The following BCKDHB variants were observed in gnomAD, a reference collection of about 807,000 sequenced individuals.
The protein encoded by BCKDHB is branched chain keto acid dehydrogenase E1 subunit beta, also known as 2-oxoisovalerate dehydrogenase subunit beta, mitochondrial.
A neutral mutation model predicts 48.5 loss-of-function variants in BCKDHB; 41 were observed. The ratio of observed to expected loss-of-function variants is 0.85; its 90% CI spans 0.66 to 1.10. The LOEUF is 1.10. Ranked by LOEUF, BCKDHB falls within the 50% of genes least tolerant of loss-of-function variation. The probability of loss-of-function intolerance (pLI) is 0.00; values close to 1 mark genes in which losing one functional copy is unlikely to be tolerated. For missense variants in BCKDHB, 496 were observed against 494.2 expected (o/e 1.00, Z -0.03); for synonymous variants, 201 against 174.8 (o/e 1.15, Z -1.18).
the BCKDHB span, among the ~76,000 whole-genome samples, chr6:80,400,449 C>T: frequency 6.6e-6 from 1 of 151,614 alleles, no homozygotes; most frequent in Non-Finnish European, 1.5e-5. Context: ...ACATACATAC[C>T]ACCAAAAAAT....
intron 6 of BCKDHB, among the ~76,000 whole-genome samples, chr6:80,175,301 T>A (rs1773099404): frequency 6.6e-6 from 1 of 152,172 alleles, no homozygotes; most frequent in Non-Finnish European, 1.5e-5. Flanking sequence ...CATCTAATCA[T>A]ATGGCCATGA....
At chr6:80,419,061 C>G in the BCKDHB span, among the ~76,000 whole-genome samples, 1 of 152,158 alleles carries the variant, frequency 6.6e-6, no homozygotes, top group African/African-American at 2.4e-5. Flanking sequence ...GTGCTCATGG[C>G]AGCAGGGCTG....
At chr6:80,218,525 A>G (rs1254256245) in intron 8 of BCKDHB, among the ~76,000 whole-genome samples, 3 of 152,198 alleles carry the variant, frequency 2.0e-5, no homozygotes, top group South Asian at 2.1e-4. Flanking sequence ...ACTATGACAC[A>G]TAACAGTTTA....
chr6:80,132,414 C>T (rs923046878), intron 3 of BCKDHB, among the ~76,000 whole-genome samples: 1 of 152,160 alleles, frequency 6.6e-6, no homozygotes, highest in Non-Finnish European at 1.5e-5. Context: ...GAAGTGCGTG[C>T]TGTTGAGTGA....
At chr6:80,215,195 C>T (rs1775111266) in intron 8 of BCKDHB, among the ~76,000 whole-genome samples, 1 of 152,188 alleles carries the variant, frequency 6.6e-6, no homozygotes, top group Non-Finnish European at 1.5e-5. Flanking sequence ...TTTGACCTTG[C>T]AGAGAAAACA....
At chr6:80,239,886 C>T (rs1204504743) in intron 8 of BCKDHB, among the ~76,000 whole-genome samples, 1 of 152,100 alleles carries the variant, frequency 6.6e-6, no homozygotes, top group Non-Finnish European at 1.5e-5. Context: ...TTGTTTATGT[C>T]AGGTTTGTCA....
the BCKDHB span, among the ~76,000 whole-genome samples, chr6:80,411,406 G>A: frequency 6.6e-6 from 1 of 152,210 alleles, no homozygotes; most frequent in Non-Finnish European, 1.5e-5. Flanking sequence ...TCCCAGTCAG[G>A]CTACATGGGG....
chr6:80,226,266 A>G (rs1369880842), intron 8 of BCKDHB, among the ~76,000 whole-genome samples: 1 of 152,208 alleles, frequency 6.6e-6, no homozygotes, highest in African/African-American at 2.4e-5. Flanking sequence ...AATACATTCC[A>G]TATAGGGGCA....
intron 9 of BCKDHB, among the ~76,000 whole-genome samples, chr6:80,329,163 A>G (rs552343637): frequency 4.3e-4 from 66 of 152,336 alleles, no homozygotes; most frequent in African/African-American, 1.6e-3. Flanking sequence ...TACAAACTAC[A>G]GTGACTAACT....
chr6:80,455,943 C>T, the BCKDHB span, among the ~76,000 whole-genome samples: 2 of 152,024 alleles, frequency 1.3e-5, no homozygotes, highest in African/African-American at 4.8e-5. Context: ...AACAAACCTT[C>T]GCTGGGCGCG....
intron 9 of BCKDHB, among the ~76,000 whole-genome samples, chr6:80,298,816 G>GCAGCC (rs1267966699): frequency 6.6e-6 from 1 of 152,172 alleles, no homozygotes; most frequent in African/African-American, 2.4e-5. Context: ...CCCACTCATT[G>GCAGCC]CAGCCAACGC....
chr6:80,258,610 G>A (rs368452276), intron 8 of BCKDHB, among the ~76,000 whole-genome samples: 70 of 152,328 alleles, frequency 4.6e-4, no homozygotes, highest in Admixed American at 2.0e-3. Context: ...CCCAGGCACC[G>A]GGAGAGTGAG....
At chr6:80,177,973 C>G (rs1398994084) in intron 6 of BCKDHB, among the ~76,000 whole-genome samples, 1 of 152,204 alleles carries the variant, frequency 6.6e-6, no homozygotes, top group Non-Finnish European at 1.5e-5. Context: ...GGGCAGAGCT[C>G]TCACTCACTG....
chr6:80,384,576 C>T, the BCKDHB span, among the ~76,000 whole-genome samples: 1 of 152,000 alleles, frequency 6.6e-6, no homozygotes, highest in Non-Finnish European at 1.5e-5. Context: ...CCACGCTGGT[C>T]TTGAACTCCT....
At chr6:80,339,968 T>C (rs920441112) in intron 9 of BCKDHB, among the ~76,000 whole-genome samples, 17 of 152,202 alleles carry the variant, frequency 1.1e-4, no homozygotes, top group African/African-American at 3.9e-4. Context: ...CGATTTGATC[T>C]TGGGCAACCT....
the BCKDHB span, among the ~76,000 whole-genome samples, chr6:80,427,783 T>C: frequency 6.6e-6 from 1 of 152,214 alleles, no homozygotes. Context: ...GTTATACCAC[T>C]GTGTTCTGCT....
chr6:80,356,417 T>C, the BCKDHB span: 1 of 152,210 alleles, frequency 6.6e-6, no homozygotes. Context: ...TATATCCATA[T>C]GATCAGGTAC....
At chr6:80,245,184 C>T (rs536977710) in intron 8 of BCKDHB, among the ~76,000 whole-genome samples, 18 of 151,866 alleles carry the variant, frequency 1.2e-4, no homozygotes, top group Admixed American at 7.2e-4. Flanking sequence ...AATTAGAGAC[C>T]GGAAACTGAA....
At chr6:80,174,481 T>C (rs1156529299) in intron 6 of BCKDHB, among the ~76,000 whole-genome samples, 1 of 152,128 alleles carries the variant, frequency 6.6e-6, no homozygotes, top group Non-Finnish European at 1.5e-5. Flanking sequence ...TACAAAAAGT[T>C]GGCCCTCCAT....
Sources: gnomAD v4.1 joint callset for allele counts (sites outside exome capture counted in the v4.1 genomes callset) on GRCh38, gnomAD v4.1.1 for gene constraint, MANE v1.5 for transcripts, NCBI Gene and HGNC (gene_info 2026-07-23, HGNC 2026-07-21) for gene names.